CELF2: variants seen among roughly 807,000 people sequenced by gnomAD.
CELF2 encodes CUGBP Elav-like family member 2.
CELF2 carries 8 observed loss-of-function variants against 62.6 expected under a neutral mutation model. The ratio of observed to expected loss-of-function variants is 0.13; its 90% CI spans 0.07 to 0.23. The LOEUF is 0.23. Among genes scored for constraint, CELF2 ranks in the 10% least tolerant of loss-of-function variants. The pLI is 1.00. For synonymous variants in CELF2, 258 were observed against 250.0 expected (o/e 1.03, Z -0.30); for missense variants, 333 against 671.0 (o/e 0.50, Z 5.56).
chr10:11,040,963 T>C (rs1402964922), intron 1 of CELF2, among the ~76,000 whole-genome samples: 1 of 152,242 alleles, frequency 6.6e-6, no homozygotes, highest in Admixed American at 6.5e-5. Context: ...GTTGGGCTGC[T>C]ATAACTAAAT....
intron 2 of CELF2, among the ~76,000 whole-genome samples, chr10:10,998,594 G>A (rs1005891179): frequency 2.6e-5 from 4 of 152,136 alleles, no homozygotes; most frequent in Admixed American, 6.5e-5. Flanking sequence ...GATAGAACTC[G>A]TAAGAGTAAC....
the CELF2 span, among the ~76,000 whole-genome samples, chr10:10,759,687 T>C: frequency 5.4e-3 from 819 of 152,164 alleles, 7 homozygotes; most frequent in African/African-American, 0.019. Flanking sequence ...TAACAACACA[T>C]AGGAGAATCA....
At chr10:11,230,860 C>T (rs542486445) in intron 3 of CELF2, among the ~76,000 whole-genome samples, 2 of 152,336 alleles carry the variant, frequency 1.3e-5, no homozygotes, top group African/African-American at 4.8e-5. Context: ...CTGTAATACT[C>T]AGCAGCTCAT....
the CELF2 span, among the ~76,000 whole-genome samples, chr10:10,772,118 G>T: frequency 3.3e-5 from 5 of 152,012 alleles, no homozygotes; most frequent in Non-Finnish European, 5.9e-5. Context: ...GAAAAAAAAG[G>T]TAGATTGTAA....
chr10:11,228,738 A>C (rs2067499943), intron 3 of CELF2, among the ~76,000 whole-genome samples: 1 of 92,380 alleles, frequency 1.1e-5, no homozygotes, highest in Non-Finnish European at 2.5e-5. Flanking sequence ...AAAAAAAAAA[A>C]AAAAAAACTT....
At position 11,328,875 on chromosome 10, in the gene CELF2, T is replaced by TTTCTGC; in HGVS notation, c.1439-49_1439-44dup. The TTTCTGC allele has an allele frequency of 3.2e-6, 5 of 1,574,892 alleles. No homozygotes were observed. Among genetic ancestry groups the TTTCTGC allele is most frequent in the Non-Finnish European group, 1.7e-6 (2 of 1,156,808 alleles). ...CCAGAGCTCCAGCCCCCTTTTCTGTTTTCTGCTGGGCTTCCTCTCCAGGCT... is the reference window on the plus strand; with the variant it reads ...CCAGAGCTCCAGCCCCCTTTTCTGTTTTCTGCTTCTGCTGGGCTTCCTCTCCAGGCT... On this transcript the variant is annotated intron_variant, in intron 12 of 12. Coordinates refer to ENST00000633077, the MANE Select transcript of CELF2 (RefSeq NM_001326342.2). The surrounding 1 kb of genome is among the most constrained non-coding windows in gnomAD (Gnocchi z 6.4).
chr10:10,967,712 A>G (rs1295901), intron 2 of CELF2, among the ~76,000 whole-genome samples: 52,209 of 152,040 alleles, frequency 0.34, 14,258 homozygotes, highest in African/African-American at 0.76. Flanking sequence ...CAATGGCTGG[A>G]AGCTCCCAGT....
the CELF2 span, among the ~76,000 whole-genome samples, chr10:10,720,234 A>T: frequency 1.3e-5 from 2 of 152,326 alleles, no homozygotes; most frequent in African/African-American, 4.8e-5. Context: ...CATTGAATTA[A>T]ATAAGTTTTT....
intron 2 of CELF2, among the ~76,000 whole-genome samples, chr10:11,215,103 A>G (rs2062964561): frequency 6.6e-6 from 1 of 152,244 alleles, no homozygotes; most frequent in South Asian, 2.1e-4. Flanking sequence ...AGCTGTAATA[A>G]CTAGCAACAA....
At position 11,321,086 on chromosome 10, in the gene CELF2, G is replaced by A; in HGVS notation, c.1097-103G>A. ...CAGTGTAATTGTGTGCTAGCTGCAT[G>A]TACTTGCTGTTGTACTGTGTTTAAA... On this transcript the variant is annotated intron_variant, in intron 10 of 12. Coordinates refer to ENST00000633077, the MANE Select transcript of CELF2 (RefSeq NM_001326342.2). This position sits in a 1 kb window ranked among gnomAD's most constrained non-coding sequence, Gnocchi z 6.2. 2 of 1,328,868 alleles carry A rather than the reference G, an allele frequency of 1.5e-6. No homozygotes were observed. Among genetic ancestry groups the A allele is most frequent in the South Asian group, 2.4e-5 (2 of 83,290 alleles). The allele number at this position is 1,328,868 out of a possible 1,614,324, so 82.3% of individuals were successfully genotyped here.
At chr10:10,667,459 G>C in the CELF2 span, among the ~76,000 whole-genome samples, 2 of 152,166 alleles carry the variant, frequency 1.3e-5, no homozygotes, top group Non-Finnish European at 2.9e-5. Context: ...ATGTTTTTTA[G>C]CACAAAAGGC....
At chr10:10,549,043 T>C in the CELF2 span, among the ~76,000 whole-genome samples, 258 of 152,306 alleles carry the variant, frequency 1.7e-3, 3 homozygotes, top group African/African-American at 6.0e-3. Flanking sequence ...ATCACAATTC[T>C]TTTTCTTGCC....
chr10:10,944,957 A>G (rs2047491994), intron 2 of CELF2, among the ~76,000 whole-genome samples: 1 of 152,136 alleles, frequency 6.6e-6, no homozygotes, highest in South Asian at 2.1e-4. Flanking sequence ...AGAAGGCATC[A>G]GGAGAGGGGA....
rs1224156521 is a variant in CELF2 at position 11,140,291 on chromosome 10, G to A, written c.75-25195G>A. On this transcript the variant is annotated intron_variant, in intron 1 of 12. Transcript: ENST00000633077. ...GGTTCTCAATCTGTCGCCCATGTTCGGTGCAGTAGCGCAATCATAGCTCAC... is the reference window on the plus strand; with the variant it reads ...GGTTCTCAATCTGTCGCCCATGTTCAGTGCAGTAGCGCAATCATAGCTCAC... 4.6e-5 allele frequency among the ~76,000 whole-genome samples: 7 copies of A among 152,122 alleles called. No homozygotes were observed. In the East Asian group the frequency reaches 5.8e-4, roughly 13 times the overall value.
intron 2 of CELF2, among the ~76,000 whole-genome samples, chr10:11,181,645 G>A (rs1332558194): frequency 6.6e-6 from 1 of 152,168 alleles, no homozygotes; most frequent in Non-Finnish European, 1.5e-5. Flanking sequence ...TTCCTGTGAC[G>A]CTGTATGCCC....
the CELF2 span, among the ~76,000 whole-genome samples, chr10:10,464,855 TAGAG>T: frequency 1.3e-5 from 2 of 152,170 alleles, no homozygotes; most frequent in Non-Finnish European, 2.9e-5. Context: ...ATTTTTTCAA[TAGAG>T]AGTCAGGAAT....
rs2135168225 is a variant in CELF2 at position 10,931,977 on chromosome 10, A to G, written c.89+11978A>G. On this transcript the variant is annotated intron_variant, in intron 2 of 13. Transcript: ENST00000636488. This position sits in a 1 kb window ranked among gnomAD's most constrained non-coding sequence, Gnocchi z 6.1. Reference sequence around the variant, plus strand: ...CCATCACATCTCATGAGTCTTATTCACTATCATGAGAACAGCATGGGAAAG... The same window carrying G: ...CCATCACATCTCATGAGTCTTATTCGCTATCATGAGAACAGCATGGGAAAG... 6.6e-6 allele frequency among the ~76,000 whole-genome samples: 1 copy of G among 152,244 alleles called. No homozygotes were observed. The highest frequency in any genetic ancestry group is 1.9e-4 in the East Asian group (1 of 5,178).
chr10:10,654,480 G>C, the CELF2 span, among the ~76,000 whole-genome samples: 1 of 112,386 alleles, frequency 8.9e-6, no homozygotes, highest in Non-Finnish European at 1.9e-5. Context: ...TAAAATACTG[G>C]CAAAACGAAT....
intron 9 of CELF2, among the ~76,000 whole-genome samples, chr10:11,303,617 C>T (rs1478428219): frequency 2.0e-5 from 3 of 152,188 alleles, no homozygotes; most frequent in South Asian, 2.1e-4. Context: ...ACTCCCGTTT[C>T]GTGAATAAAC....
Sources: gnomAD v4.1 joint callset for allele counts (sites outside exome capture counted in the v4.1 genomes callset) on GRCh38, gnomAD v4.1.1 for gene constraint, Gnocchi (gnomAD v3.1) non-coding constraint, MANE v1.5 for transcripts, NCBI Gene and HGNC (gene_info 2026-07-23, HGNC 2026-07-21) for gene names.